ODAD3: variants seen among roughly 807,000 people sequenced by gnomAD.
The protein encoded by ODAD3 is outer dynein arm-docking complex subunit 3.
ODAD3 carries 57 observed loss-of-function variants against 70.9 expected under a neutral mutation model. The observed-to-expected ratio is 0.80, with a 90% CI of 0.65 to 1.00. ODAD3 has a LOEUF of 1.00. Among genes scored for constraint, ODAD3 ranks in the 50% least tolerant of loss-of-function variants. The pLI is 0.00. For synonymous variants in ODAD3, 327 were observed against 315.9 expected (o/e 1.04, Z -0.37); for missense variants, 797 against 763.9 (o/e 1.04, Z -0.51).
Position 11,425,069 on chromosome 19 carries a change from A to ATG in ODAD3, c.964-1042_964-1041dup, listed in dbSNP as rs1296598741. On this transcript the variant is annotated intron_variant, in intron 7 of 12. Transcript: ENST00000356392. ...TGTATATATGTGTATATGTGTATAT[A>ATG]TGTATATGTGTATATGTACATATGT... 2.4e-4 allele frequency among the ~76,000 whole-genome samples: 30 copies of ATG among 124,518 alleles called. 3 individuals carry two copies. The highest frequency in any genetic ancestry group is 7.3e-4 in the Admixed American group (10 of 13,626). The allele number at this position is 124,518 out of a possible 152,430, so 81.7% of individuals were successfully genotyped here. A position where few individuals can be genotyped will look rare whatever the true frequency, so the allele number is the denominator to read the frequency against.
At position 11,424,953 on chromosome 19, in the gene ODAD3, G is replaced by A. The variant is rs548381161; in HGVS notation, c.964-924C>T. 1.9e-4 allele frequency among the ~76,000 whole-genome samples: 21 copies of A among 111,710 alleles called. 1 individual carries two copies. The highest frequency in any genetic ancestry group is 2.6e-4 in the African/African-American group (6 of 22,920). The allele number at this position is 111,710 out of a possible 152,430, so 73.3% of individuals were successfully genotyped here. ...TGTATATATGTATATATGTGTATATGTACATATGTGTATATATGTATATAT... is the reference window on the plus strand; with the variant it reads ...TGTATATATGTATATATGTGTATATATACATATGTGTATATATGTATATAT... On this transcript the variant is annotated intron_variant, in intron 7 of 12. Coordinates refer to ENST00000356392, the MANE Select transcript of ODAD3 (RefSeq NM_145045.5).
chr19:11,434,534 C>CAAAAAA, intron 1 of ODAD3: 2 of 174,620 alleles, frequency 1.1e-5, no homozygotes. Flanking sequence ...GAGATTCTGC[C>CAAAAAA]AAAAAAAAAA....
chr19:11,429,653 C>A (rs1010844525), intron 3 of ODAD3, among the ~76,000 whole-genome samples: 8 of 152,182 alleles, frequency 5.3e-5, no homozygotes, highest in African/African-American at 1.9e-4. Context: ...TGTGATCCAC[C>A]CACCTCGGCC....
At chr19:11,425,294 T>C (rs934064590) in intron 7 of ODAD3, among the ~76,000 whole-genome samples, 2 of 140,372 alleles carry the variant, frequency 1.4e-5, no homozygotes, top group South Asian at 2.2e-4. Context: ...TACATATGTG[T>C]ATATATGTGT....
intron 7 of ODAD3, among the ~76,000 whole-genome samples, chr19:11,425,377 G>A (rs747611104): frequency 8.3e-5 from 11 of 132,646 alleles, no homozygotes; most frequent in Admixed American, 2.9e-4. Context: ...GTGTATATAT[G>A]TGTGTATGTA....
chr19:11,426,063 A>G (rs1355253863), intron 7 of ODAD3, 81 bp downstream of exon 7: 6 of 1,525,492 alleles, frequency 3.9e-6, no homozygotes, highest in Admixed American at 2.1e-5. Context: ...GAGAAGGCCT[A>G]GGATGAGGGA....
chr19:11,431,527 G>A (rs1423924729), intron 1 of ODAD3, among the ~76,000 whole-genome samples: 2 of 151,564 alleles, frequency 1.3e-5, no homozygotes, highest in Non-Finnish European at 2.9e-5. Context: ...ATGATGGCTC[G>A]TTCCTGTAAT....
Position 11,422,980 on chromosome 19 carries a change from T to C in ODAD3, c.1117-119A>G. On this transcript the variant is annotated intron_variant, in intron 8 of 12. Coordinates refer to ENST00000356392, the MANE Select transcript of ODAD3 (RefSeq NM_145045.5). The surrounding 1 kb of genome is among the most constrained non-coding windows in gnomAD (Gnocchi z 4.6). The stretch of plus-strand genomic sequence containing the variant: ...GACAGGTGGCCTGAGCTGGCGCCTT[T>C]TGCACAGCAATGTATGGGGACACTG... 6 of 1,142,986 alleles carry C rather than the reference T, an allele frequency of 5.2e-6. No individual in the cohort carries two copies. In the Admixed American group the frequency reaches 7.7e-5, roughly 15 times the overall value. 70.8% of individuals were successfully genotyped at this position (1,142,986 alleles called of 1,614,324 possible).
intron 7 of ODAD3, among the ~76,000 whole-genome samples, chr19:11,425,363 A>C (rs902715455): frequency 9.7e-6 from 1 of 102,956 alleles, no homozygotes; most frequent in East Asian, 2.7e-4. Context: ...GTATATGTAC[A>C]TATGTGTATA....
intron 7 of ODAD3, among the ~76,000 whole-genome samples, chr19:11,425,641 A>G (rs1179816007): frequency 7.0e-5 from 9 of 128,786 alleles, no homozygotes; most frequent in African/African-American, 3.4e-4. Flanking sequence ...ATGTATATAT[A>G]TGTATATACG....
In ODAD3 at chr19:11,427,022, G is replaced by A; in HGVS notation, c.463C>T (p.His155Tyr). 2 of 1,593,684 alleles carry A rather than the reference G, an allele frequency of 1.3e-6. No homozygotes were observed. Among genetic ancestry groups the A allele is most frequent in the Non-Finnish European group, 8.5e-7 (1 of 1,175,614 alleles). The change falls in exon 4 of 13, where the codon CAC (histidine) becomes TAC (tyrosine). Residue 155 changes from histidine to tyrosine, a missense_variant. Transcript: ENST00000356392. ...TGCTTCACCTTCTCCCTCAGCCGGT[G>A]GTCTAGGTGCTCCAGGGCCTGCCGC... is the stretch of plus-strand genomic sequence containing the variant. ...RTGQALEHLD[H>Y]RLREKVKQQN...
intron 1 of ODAD3, 117 bp from the exon 2 acceptor site, chr19:11,431,137 G>C (rs1969495554): frequency 1.4e-5 from 19 of 1,311,534 alleles, no homozygotes; most frequent in Non-Finnish European, 2.0e-5. Flanking sequence ...TTGAGATGGA[G>C]TTTCACTCTT....
rs1969107579 is a variant in ODAD3, at chr19:11,420,626, C to T, written c.*209G>A. On this transcript the variant is annotated 3_prime_UTR_variant, in exon 13 of 13. Coordinates refer to ENST00000356392, the MANE Select transcript of ODAD3 (RefSeq NM_145045.5). The stretch of plus-strand genomic sequence containing the variant: ...GGGGCATGGTCGGTAACATTTATTG[C>T]GCAACTCTGAGGCCGGGGCGGACCC... 1 of 593,026 alleles carries T rather than the reference C, an allele frequency of 1.7e-6. No homozygotes were observed. The highest frequency in any genetic ancestry group is 3.0e-5 in the Admixed American group (1 of 33,608). 36.7% of individuals were successfully genotyped at this position (593,026 alleles called of 1,614,324 possible).
chr19:11,435,148 T>C, upstream of ODAD3: 2 of 1,441,546 alleles, frequency 1.4e-6, no homozygotes, highest in South Asian at 1.5e-5. Context: ...GTGGTTGCGC[T>C]CCGCATCTCT....
Position 11,434,639 on chromosome 19 carries a change from CAT to C in ODAD3, c.244+132_244+133del, listed in dbSNP as rs1315525711. On this transcript the variant is annotated intron_variant, in intron 1 of 12. Coordinates refer to ENST00000356392, the MANE Select transcript of ODAD3 (RefSeq NM_145045.5). ...GTTTTAAGAGACAGAGAAGGAAAAA[CAT>C]GAACTAAGTATGAGTTTTTGCCCAG... 3 of 1,122,662 alleles carry C rather than the reference CAT, an allele frequency of 2.7e-6. No individual in the cohort carries two copies. The East Asian group carries it at 7.2e-5, about 27-fold the overall frequency. The allele number at this position is 1,122,662 out of a possible 1,614,324, so 69.5% of individuals were successfully genotyped here.
Position 11,423,921 on chromosome 19 carries a change from T to C in ODAD3, c.1072A>G (p.Ile358Val), listed in dbSNP as rs756795884. The stretch of plus-strand genomic sequence containing the variant: ...GTGGCGTCCTTGACCTTGCCAAAGA[T>C]CACCTCCATCTGGTACATGCTCCAG... Reference protein sequence around the residue: ...QRWSMYQMEVIFGKVKDATGT... With the variant: ...QRWSMYQMEVVFGKVKDATGT... Residue 358 changes from isoleucine (I) to valine (V), a missense_variant, in exon 8 of 13, where the codon ATC (isoleucine) becomes GTC (valine). By Grantham distance (29) the Ile-to-Val change is conservative (BLOSUM62 3). Coordinates refer to ENST00000356392, the MANE Select transcript of ODAD3 (RefSeq NM_145045.5). The C allele has an allele frequency of 2.5e-6, 4 of 1,612,952 alleles. No homozygotes were observed. In the Admixed American group the frequency reaches 6.7e-5, roughly 27 times the overall value.
rs1969388597 is a variant in ODAD3 at position 11,426,852 on chromosome 19, GC to G, written c.612+20del. On this transcript the variant is annotated intron_variant, in intron 4 of 12. Coordinates refer to ENST00000356392, the MANE Select transcript of ODAD3 (RefSeq NM_145045.5). Reference sequence around the variant, plus strand: ...TCCCTCCCACACGACCCTCTGCCCTGCAGGCCTCACCCGCCCCTACCTTGGC... The same window carrying G: ...TCCCTCCCACACGACCCTCTGCCCTGAGGCCTCACCCGCCCCTACCTTGGC... 6.2e-7 allele frequency: 1 copy of G among 1,610,962 alleles called. No individual in the cohort carries two copies. The highest frequency in any genetic ancestry group is 8.5e-7 in the Non-Finnish European group (1 of 1,178,356).
chr19:11,435,133 G>A (rs1326134398), upstream of ODAD3: 5 of 1,462,342 alleles, frequency 3.4e-6, no homozygotes, highest in East Asian at 2.4e-5. Context: ...CTTTCCGACC[G>A]CTAGGTGGTT....
chr19:11,426,341 T>TGGGGGC, intron 6 of ODAD3, 75 bp from the exon 7 acceptor site: 1 of 1,605,380 alleles, frequency 6.2e-7, no homozygotes, highest in Non-Finnish European at 8.5e-7. Flanking sequence ...GGGAGATAGA[T>TGGGGGC]GGGGGCGGGG....
Sources: gnomAD v4.1 joint callset for allele counts (sites outside exome capture counted in the v4.1 genomes callset) on GRCh38, gnomAD v4.1.1 for gene constraint, Gnocchi (gnomAD v3.1) non-coding constraint, MANE v1.5 for transcripts, NCBI Gene and HGNC (gene_info 2026-07-23, HGNC 2026-07-21) for gene names.